The following HEATR1 variants were observed in gnomAD, a reference collection of about 807,000 sequenced individuals.
The protein encoded by HEATR1 is HEAT repeat containing 1.
In HEATR1, 77 loss-of-function variants were observed where a neutral mutation model predicts 248.2. The ratio of observed to expected loss-of-function variants is 0.31; its 90% CI spans 0.26 to 0.37. The LOEUF is 0.37. HEATR1 is among the 10% of genes least tolerant of loss of function. The pLI is 1.00. For synonymous variants in HEATR1, 897 were observed against 923.1 expected (o/e 0.97, Z 0.51); for missense variants, 2,420 against 2,504.9 (o/e 0.97, Z 0.72).
At chr1:236,602,218 TA>T (rs1240048340) in intron 3 of HEATR1, among the ~76,000 whole-genome samples, 1 of 151,474 alleles carries the variant, frequency 6.6e-6, no homozygotes. Context: ...TGTGAGAAAA[TA>T]AACTAAGCTT....
At chr1:236,566,217 C>T (rs1214959702) in intron 30 of HEATR1, among the ~76,000 whole-genome samples, 172 bp from the exon 31 acceptor site, 1 of 152,172 alleles carries the variant, frequency 6.6e-6, no homozygotes, top group Non-Finnish European at 1.5e-5. Flanking sequence ...AAATGGTCCT[C>T]GACTTATCCA....
chr1:236,586,593 A>T lies in HEATR1; in HGVS notation c.1716-141T>A, dbSNP rs536515022. On this transcript the variant is annotated intron_variant, in intron 14 of 44. Coordinates refer to ENST00000366582, the MANE Select transcript of HEATR1 (RefSeq NM_018072.6). ...AACTATTATTCAGATACACTAAGAC[A>T]CCACTTAAAATCCATGCCAATAACA... 2.5e-5 allele frequency: 14 copies of T among 569,266 alleles called. No individual in the cohort carries two copies. In the African/African-American group the frequency reaches 2.7e-4, roughly 11 times the overall value. 35.3% of individuals were successfully genotyped at this position (569,266 alleles called of 1,614,324 possible).
intron 8 of HEATR1, 118 bp downstream of exon 8, chr1:236,595,422 A>C: frequency 1.2e-6 from 1 of 832,074 alleles, no homozygotes. Context: ...GACAAGTTAC[A>C]CAAGAACAAC....
At chr1:236,601,303 G>T (rs77981511) in intron 3 of HEATR1, among the ~76,000 whole-genome samples, 2,644 of 151,248 alleles carry the variant, frequency 0.017, 17 homozygotes, top group Middle Eastern at 0.075. Flanking sequence ...CTGGAGTGCA[G>T]TGGCGTGATC....
At chr1:236,554,815 T>A in intron 41 of HEATR1, 63 bp from the exon 42 acceptor site, 3 of 1,362,336 alleles carry the variant, frequency 2.2e-6, no homozygotes, top group Non-Finnish European at 3.0e-6. Flanking sequence ...TCTCCAATGT[T>A]TACATTGAAA....
At position 236,585,170 on chromosome 1, in the gene HEATR1, T is replaced by G; in HGVS notation, c.2096A>C (p.Lys699Thr). 1 of 1,614,038 alleles carries G rather than the reference T, an allele frequency of 6.2e-7. No homozygotes were observed. The highest frequency in any genetic ancestry group is 8.5e-7 in the Non-Finnish European group (1 of 1,179,942). ...GATCACATGAAACGTTACTTTCTGCTTCAGGTTAAAGGACTCCTCCTCACC... is the reference window on the plus strand; with the variant it reads ...GATCACATGAAACGTTACTTTCTGCGTCAGGTTAAAGGACTCCTCCTCACC... ...SVGEEESFNL[K>T]QKVTFHVILS... The change falls in exon 17 of 45, where the codon AAG becomes ACG. Residue 699 changes from lysine (K) to threonine (T), a missense_variant. Transcript: ENST00000366582.
chr1:236,591,940 T>C, intron 11 of HEATR1, 53 bp downstream of exon 11: 3 of 1,082,810 alleles, frequency 2.8e-6, no homozygotes, highest in East Asian at 2.4e-5. Context: ...GCTCTTCACA[T>C]ACCCATACAA....
chr1:236,559,371 T>C (rs1271242908), intron 34 of HEATR1, among the ~76,000 whole-genome samples: 3 of 152,224 alleles, frequency 2.0e-5, no homozygotes, highest in African/African-American at 7.2e-5. Context: ...GCTAAATGAC[T>C]GAGCTAGATT....
At chr1:236,585,257 T>C in intron 16 of HEATR1, 41 bp from the exon 17 acceptor site, 3 of 1,543,692 alleles carry the variant, frequency 1.9e-6, no homozygotes, top group Non-Finnish European at 2.6e-6. Context: ...TGCTCTTGAT[T>C]TTCATAAAAC....
At chr1:236,569,324 T>C (rs1270794447) in intron 28 of HEATR1, among the ~76,000 whole-genome samples, 200 bp from the exon 29 acceptor site, 1 of 152,150 alleles carries the variant, frequency 6.6e-6, no homozygotes, top group East Asian at 1.9e-4. Flanking sequence ...TACAGGTGCA[T>C]GCTACCCTGC....
At chr1:236,570,641 T>C (rs1424119858) in intron 28 of HEATR1, among the ~76,000 whole-genome samples, 1 of 152,146 alleles carries the variant, frequency 6.6e-6, no homozygotes, top group Non-Finnish European at 1.5e-5. Context: ...ATGGGTGAAT[T>C]TTATGGCATC....
intron 32 of HEATR1, among the ~76,000 whole-genome samples, chr1:236,564,008 C>T (rs2103129476): frequency 6.6e-6 from 1 of 152,262 alleles, no homozygotes; most frequent in Non-Finnish European, 1.5e-5. Flanking sequence ...GTCCCAGCTA[C>T]TTGGGAGGCT....
Position 236,585,949 on chromosome 1 carries a change from G to A in HEATR1, c.1928-8C>T, listed in dbSNP as rs1313420969. The A allele has an allele frequency of 1.2e-6, 2 of 1,612,904 alleles. No homozygotes were observed. The highest frequency in any genetic ancestry group is 3.3e-5 in the Admixed American group (2 of 59,932). On this transcript the variant is annotated splice_polypyrimidine_tract_variant and splice_region_variant and intron_variant, in intron 15 of 44. Coordinates refer to ENST00000366582, the MANE Select transcript of HEATR1 (RefSeq NM_018072.6). ...TAATTACATTTTCAAGAGCTGTAAAGTAAAATCGAATGCAGAGAGCTCTTA... is the reference window on the plus strand; with the variant it reads ...TAATTACATTTTCAAGAGCTGTAAAATAAAATCGAATGCAGAGAGCTCTTA...
rs927045080 is a variant in HEATR1 at position 236,602,965 on chromosome 1, AG to A, written c.359+194del. The A allele has an allele frequency of 6.1e-5, 35 of 578,238 alleles. No individual in the cohort carries two copies. In the Admixed American group the frequency reaches 9.4e-4, roughly 15 times the overall value. The allele number at this position is 578,238 out of a possible 1,614,324, so 35.8% of individuals were successfully genotyped here. A position where few individuals can be genotyped will look rare whatever the true frequency, so the allele number is the denominator to read the frequency against. On this transcript the variant is annotated intron_variant, in intron 3 of 44. Transcript: ENST00000366582. ...GTTAGACCATTTACTCAAAATCACC[AG>A]TAGTTCTACTTTTCACTATCAACAA...
chr1:236,550,679 C>A lies in HEATR1; in HGVS notation c.*223G>T. On this transcript the variant is annotated 3_prime_UTR_variant, in exon 45 of 45. Coordinates refer to ENST00000366582, the MANE Select transcript of HEATR1 (RefSeq NM_018072.6). ...AACACAGCAGTCTGTATAAAAATAC[C>A]GTGTATCATTTACTCTTTCTGCAGC... The A allele has an allele frequency of 6.6e-6, 3 of 451,798 alleles. No homozygotes were observed. The highest frequency in any genetic ancestry group is 5.0e-5 in the South Asian group (1 of 20,132). The allele number at this position is 451,798 out of a possible 1,614,324, so 28.0% of individuals were successfully genotyped here.
chr1:236,601,677 C>CAAA lies in HEATR1; in HGVS notation c.359+1480_359+1482dup, dbSNP rs111816733. ...AAAAACAAAAACAAAAACAAACAAA[C>CAAA]AAAAAAAAAACTAGGTGGGCATGGT... On this transcript the variant is annotated intron_variant, in intron 3 of 44. Coordinates refer to ENST00000366582, the MANE Select transcript of HEATR1 (RefSeq NM_018072.6). Among the ~76,000 whole-genome samples the CAAA allele has an allele frequency of 6.3e-4, 51 of 80,992 alleles. 1 individual carries two copies. The South Asian group carries it at 8.8e-3, about 14-fold the overall frequency. The allele number at this position is 80,992 out of a possible 152,430, so 53.1% of individuals were successfully genotyped here.
intron 4 of HEATR1, 89 bp downstream of exon 4, chr1:236,599,394 C>A (rs921905574): frequency 1.9e-6 from 2 of 1,057,482 alleles, no homozygotes; most frequent in Non-Finnish European, 2.7e-6. Flanking sequence ...TCTGGACTAT[C>A]CCCAGGAGCA....
At chr1:236,587,552 T>TA in intron 13 of HEATR1, 62 bp from the exon 14 acceptor site, 1 of 654,394 alleles carries the variant, frequency 1.5e-6, no homozygotes, top group Non-Finnish European at 2.4e-6. Context: ...TGGCGCTTTT[T>TA]AAATGCGAAT....
At position 236,595,691 on chromosome 1, in the gene HEATR1, T is replaced by A. The variant is rs756764574; in HGVS notation, c.957-18A>T. 1.2e-6 allele frequency: 2 copies of A among 1,605,730 alleles called. No homozygotes were observed. The highest frequency in any genetic ancestry group is 1.7e-5 in the Admixed American group (1 of 59,298). Reference sequence around the variant, plus strand: ...GGAATGGCCTTTGAAGAAGCAAAAGTACATATCGTGTTGACTTTACAAGTT... The same window carrying A: ...GGAATGGCCTTTGAAGAAGCAAAAGAACATATCGTGTTGACTTTACAAGTT... On this transcript the variant is annotated intron_variant, in intron 7 of 44. Transcript: ENST00000366582.
Sources: allele counts gnomAD v4.1 joint callset (sites outside exome capture counted in the v4.1 genomes callset), GRCh38; gene constraint gnomAD v4.1.1; transcripts MANE v1.5; gene names NCBI Gene and HGNC (gene_info 2026-07-23, HGNC 2026-07-21).